CDC42SE2: variants seen among roughly 807,000 people sequenced by gnomAD.
CDC42SE2 encodes CDC42 small effector 2.
CDC42SE2 carries 3 observed loss-of-function variants against 11.5 expected under a neutral mutation model. The ratio of observed to expected loss-of-function variants is 0.26; its 90% confidence interval spans 0.12 to 0.67. The LOEUF is 0.67. CDC42SE2 is among the 30% of genes least tolerant of loss of function. CDC42SE2 has a pLI of 0.80. For synonymous variants in CDC42SE2, 33 were observed against 34.8 expected (o/e 0.95, Z 0.18); for missense variants, 82 against 106.8 (o/e 0.77, Z 1.02).
intron 2 of CDC42SE2, among the ~76,000 whole-genome samples, chr5:131,338,329 C>T (rs1758626434): frequency 6.6e-6 from 1 of 152,142 alleles, no homozygotes. Flanking sequence ...GCCATCAGTT[C>T]CTCAAGTCTA....
chr5:131,224,156 T>C, the CDC42SE2 span, among the ~76,000 whole-genome samples: 1 of 152,210 alleles, frequency 6.6e-6, no homozygotes, highest in East Asian at 1.9e-4. Context: ...ACTCACTTTC[T>C]TAAAAATCTC....
intron 2 of CDC42SE2, among the ~76,000 whole-genome samples, chr5:131,333,830 C>T (rs1488673263): frequency 2.6e-5 from 4 of 152,182 alleles, no homozygotes; most frequent in African/African-American, 9.7e-5. Context: ...TGAGACTTTG[C>T]TGAAGTTGCT....
intron 1 of CDC42SE2, among the ~76,000 whole-genome samples, chr5:131,277,024 G>A (rs193155938): frequency 1.3e-5 from 2 of 152,252 alleles, no homozygotes; most frequent in Non-Finnish European, 2.9e-5. Context: ...ACAGGCGTGA[G>A]CCACCGCACT....
intron 1 of CDC42SE2, among the ~76,000 whole-genome samples, chr5:131,292,114 C>T (rs998883414): frequency 4.0e-5 from 6 of 151,642 alleles, no homozygotes; most frequent in African/African-American, 1.2e-4. Flanking sequence ...TGGCGCATGC[C>T]TGTTGTCTCA....
intron 2 of CDC42SE2, among the ~76,000 whole-genome samples, chr5:131,329,291 A>G (rs1758361902): frequency 6.6e-6 from 1 of 151,776 alleles, no homozygotes; most frequent in Non-Finnish European, 1.5e-5. Flanking sequence ...GTTTCCTTTC[A>G]GAAAAGTTAA....
chr5:131,361,217 A>G (rs1305573638), intron 3 of CDC42SE2, among the ~76,000 whole-genome samples: 2 of 152,084 alleles, frequency 1.3e-5, no homozygotes, highest in African/African-American at 4.8e-5. Context: ...ATTCTCTTCA[A>G]TATATGATAA....
At chr5:131,296,354 G>A (rs1757571071) in intron 1 of CDC42SE2, among the ~76,000 whole-genome samples, 2 of 152,206 alleles carry the variant, frequency 1.3e-5, no homozygotes, top group Admixed American at 6.5e-5. Flanking sequence ...CCACAACAAG[G>A]TATCACAAAC....
intron 2 of CDC42SE2, among the ~76,000 whole-genome samples, chr5:131,336,253 G>T (rs1055363777): frequency 5.3e-5 from 8 of 151,884 alleles, no homozygotes; most frequent in South Asian, 2.1e-4. Context: ...GATATGAAAT[G>T]CTGAGTTGAA....
chr5:131,211,396 A>C, the CDC42SE2 span, among the ~76,000 whole-genome samples: 53 of 152,256 alleles, frequency 3.5e-4, no homozygotes, highest in African/African-American at 1.2e-3. Flanking sequence ...GATTTGTTTA[A>C]TTTTGGTTCC....
upstream of CDC42SE2, among the ~76,000 whole-genome samples, chr5:131,261,166 C>T (rs1028679509): frequency 5.3e-5 from 8 of 152,206 alleles, no homozygotes; most frequent in African/African-American, 1.7e-4. Context: ...ACAGTTTCTT[C>T]TGGACTATAA....
chr5:131,224,374 T>G, the CDC42SE2 span, among the ~76,000 whole-genome samples: 1 of 152,196 alleles, frequency 6.6e-6, no homozygotes. Context: ...ATCTGCAGCC[T>G]TCATGGTAAC....
In CDC42SE2 at chr5:131,359,434, G is replaced by T; in HGVS notation, c.-60G>T. 1 of 1,278,918 alleles carries T rather than the reference G, an allele frequency of 7.8e-7. No homozygotes were observed. The highest frequency in any genetic ancestry group is 1.2e-5 in the South Asian group (1 of 84,186). The allele number at this position is 1,278,918 out of a possible 1,614,324, so 79.2% of individuals were successfully genotyped here. ...CATCGTATTGAGGAGCGTATTTTTG[G>T]AACTTCCCGAGTTGAGATTTGGAAC... On this transcript the variant is annotated 5_prime_UTR_variant, in exon 3 of 5. Transcript: ENST00000505065.
At chr5:131,303,210 G>A (rs758045293) in intron 1 of CDC42SE2, among the ~76,000 whole-genome samples, 1 of 151,942 alleles carries the variant, frequency 6.6e-6, no homozygotes, top group Non-Finnish European at 1.5e-5. Flanking sequence ...TACCTTTCTG[G>A]GCCTGTAAAG....
intron 1 of CDC42SE2, among the ~76,000 whole-genome samples, chr5:131,266,616 T>C (rs1422168859): frequency 6.6e-6 from 1 of 151,832 alleles, no homozygotes; most frequent in African/African-American, 2.4e-5. Flanking sequence ...TGCGCCACTA[T>C]GCCCTATTTT....
chr5:131,321,028 T>C (rs1490649090), intron 2 of CDC42SE2, among the ~76,000 whole-genome samples: 1 of 152,224 alleles, frequency 6.6e-6, no homozygotes, highest in Non-Finnish European at 1.5e-5. Context: ...TTGAAAGAAA[T>C]GTAGGTATTC....
chr5:131,284,794 T>C (rs1236915438), intron 1 of CDC42SE2, among the ~76,000 whole-genome samples: 1 of 152,190 alleles, frequency 6.6e-6, no homozygotes, highest in Non-Finnish European at 1.5e-5. Flanking sequence ...AATGTTTCTA[T>C]ATTTTCCACA....
In CDC42SE2 at chr5:131,392,874, T is replaced by TATTA. The variant is rs1280383084; in HGVS notation, c.*1784_*1787dup. The TATTA allele has an allele frequency of 2.0e-5, 3 of 152,368 alleles. No homozygotes were observed. Among genetic ancestry groups the TATTA allele is most frequent in the Non-Finnish European group, 4.4e-5 (3 of 68,040 alleles). 9.4% of individuals were successfully genotyped at this position (152,368 alleles called of 1,614,324 possible). On this transcript the variant is annotated 3_prime_UTR_variant, in exon 5 of 5. Coordinates refer to ENST00000505065, the MANE Select transcript of CDC42SE2 (RefSeq NM_001375635.1). ...GTCACTGGCCTTTCTGTGCTCTACA[T>TATTA]ATTATTTTAGGGGCCACATCAGTTG...
Position 131,320,382 on chromosome 5 carries a change from ACT to A in CDC42SE2, c.-286+4241_-286+4242del, listed in dbSNP as rs1184515228. 2.6e-5 allele frequency among the ~76,000 whole-genome samples: 4 copies of A among 151,308 alleles called. No individual in the cohort carries two copies. The East Asian group carries it at 7.7e-4, about 29-fold the overall frequency. ...ACTCCAGCCTGCGTGACAGAGCGAG[ACT>A]CTGTCTCAAAAAATAAGTAAATAAG... On this transcript the variant is annotated intron_variant, in intron 2 of 4. Coordinates refer to ENST00000505065, the MANE Select transcript of CDC42SE2 (RefSeq NM_001375635.1).
At chr5:131,265,909 A>G (rs1329189700) in intron 1 of CDC42SE2, among the ~76,000 whole-genome samples, 2 of 152,208 alleles carry the variant, frequency 1.3e-5, no homozygotes, top group Non-Finnish European at 2.9e-5. Flanking sequence ...TAATCTTTGT[A>G]ATAACATTTT....
Sources: allele counts gnomAD v4.1 joint callset (sites outside exome capture counted in the v4.1 genomes callset), GRCh38; gene constraint gnomAD v4.1.1; transcripts MANE v1.5; gene names NCBI Gene and HGNC (gene_info 2026-07-23, HGNC 2026-07-21).